The following ATMIN variants were observed in gnomAD, a reference collection of about 807,000 sequenced individuals.
ATMIN encodes ATM INteracting protein.
ATMIN carries 24 observed loss-of-function variants against 49.2 expected under a neutral mutation model. That is an observed-to-expected ratio of 0.49 (90% CI 0.35 to 0.69). The LOEUF is 0.69. Ranked by LOEUF, ATMIN falls within the 30% of genes least tolerant of loss-of-function variation. The pLI is 0.00. For missense variants in ATMIN, 1,037 were observed against 1,005.5 expected (o/e 1.03, Z -0.42); for synonymous variants, 450 against 392.5 (o/e 1.15, Z -1.73).
chr16:81,043,503 C>T lies in ATMIN; in HGVS notation c.1005C>T (p.Gly335=). Residue 335 remains glycine (G), a synonymous_variant, in exon 4 of 4, where the codon GGC becomes GGT. Coordinates refer to ENST00000299575, the MANE Select transcript of ATMIN (RefSeq NM_015251.3). ...AQPVVLGVDQ[G]SATGAVHLMP... ...CTGTGGTGTTAGGTGTTGATCAGGG[C>T]TCTGCCACAGGGGCTGTGCACTTAA... 1 of 1,614,140 alleles carries T rather than the reference C, an allele frequency of 6.2e-7. No individual in the cohort carries two copies. Among genetic ancestry groups the T allele is most frequent in the Non-Finnish European group, 8.5e-7 (1 of 1,180,018 alleles).
chr16:81,042,116 T>G (rs902996388), intron 2 of ATMIN, among the ~76,000 whole-genome samples, 165 bp from the exon 3 acceptor site: 4 of 152,220 alleles, frequency 2.6e-5, no homozygotes, highest in Non-Finnish European at 4.4e-5. Flanking sequence ...TATATATAAT[T>G]AACTGCGATG....
At chr16:81,039,551 A>G (rs1971005230) in intron 1 of ATMIN, among the ~76,000 whole-genome samples, 1 of 152,200 alleles carries the variant, frequency 6.6e-6, no homozygotes, top group Admixed American at 6.5e-5. Context: ...GCCATATTCC[A>G]TATCCTGTAA....
In ATMIN at chr16:81,043,245, C is replaced by T; in HGVS notation, c.747C>T (p.Asn249=). ...LSNKTIESLN[N]QPIPRPDTQE... is the part of the protein sequence containing the mutation. ...ACAAGACCATTGAATCATTGAACAA[C>T]CAACCAATCCCTAGACCAGACACTC... Residue 249 remains asparagine, a synonymous_variant, in exon 4 of 4, where the codon AAC becomes AAT. Transcript: ENST00000299575. 4.3e-6 allele frequency: 7 copies of T among 1,614,078 alleles called. No individual in the cohort carries two copies. Among genetic ancestry groups the T allele is most frequent in the Non-Finnish European group, 5.9e-6 (7 of 1,180,010 alleles).
At chr16:81,042,185 AGT>A (rs920482584) in intron 2 of ATMIN, 94 bp from the exon 3 acceptor site, 1 of 1,015,444 alleles carries the variant, frequency 9.8e-7, no homozygotes, top group African/African-American at 1.6e-5. Context: ...TTATATTAAT[AGT>A]GTAAAATCAT....
At position 81,043,866 on chromosome 16, in the gene ATMIN, T is replaced by C; in HGVS notation, c.1368T>C (p.Ser456=). The C allele has an allele frequency of 6.2e-7, 1 of 1,614,218 alleles. No individual in the cohort carries two copies. The highest frequency in any genetic ancestry group is 8.5e-7 in the Non-Finnish European group (1 of 1,180,046). The part of the protein sequence containing the change: ...SFDSQVSLPI[S]VHTQTFLPSS... ...ATTCTCAAGTGTCTCTTCCCATTAG[T>C]GTTCACACTCAGACATTTTTGCCCA... The change falls in exon 4 of 4, where the codon AGT becomes AGC. Residue 456 remains serine, a synonymous_variant. Transcript: ENST00000299575.
chr16:81,037,553 T>A, intron 1 of ATMIN: 1 of 933,482 alleles, frequency 1.1e-6, no homozygotes, highest in Non-Finnish European at 1.3e-6. Context: ...CACTCAAGTG[T>A]AACTCTGGGA....
chr16:81,041,158 T>G, intron 1 of ATMIN, 198 bp from the exon 2 acceptor site: 2 of 528,926 alleles, frequency 3.8e-6, no homozygotes, highest in South Asian at 2.4e-5. Flanking sequence ...TGCAGAATTT[T>G]AGAGTCTTGC....
intron 1 of ATMIN, among the ~76,000 whole-genome samples, chr16:81,037,779 G>C (rs1026762438): frequency 6.6e-6 from 1 of 151,858 alleles, no homozygotes; most frequent in African/African-American, 2.4e-5. Context: ...GGGATTACAG[G>C]CACCTGCCAC....
chr16:81,044,737 A>G lies in ATMIN; in HGVS notation c.2239A>G (p.Thr747Ala). The G allele has an allele frequency of 1.2e-6, 2 of 1,614,242 alleles. No homozygotes were observed. The highest frequency in any genetic ancestry group is 8.5e-7 in the Non-Finnish European group (1 of 1,180,050). The change falls in exon 4 of 4, where the codon ACT becomes GCT. Residue 747 changes from threonine (T) to alanine (A), a missense_variant. By Grantham distance (58) the Thr-to-Ala change is moderately conservative. Transcript: ENST00000299575. The part of the protein sequence containing the change: ...DTETQTEGVS[T>A]AKNIPALESK... The stretch of plus-strand genomic sequence containing the variant: ...AGAGACCCAAACTGAAGGAGTCTCC[A>G]CTGCTAAAAATATACCTGCTCTAGA...
Position 81,045,589 on chromosome 16 carries a change from C to G in ATMIN, c.*619C>G, listed in dbSNP as rs1158504543. 1 of 152,702 alleles carries G rather than the reference C, an allele frequency of 6.5e-6. No homozygotes were observed. Among genetic ancestry groups the G allele is most frequent in the Non-Finnish European group, 1.5e-5 (1 of 68,478 alleles). 9.5% of individuals were successfully genotyped at this position (152,702 alleles called of 1,614,324 possible). A position where few individuals can be genotyped will look rare whatever the true frequency, so the allele number is the denominator to read the frequency against. On this transcript the variant is annotated 3_prime_UTR_variant, in exon 4 of 4. Coordinates refer to ENST00000299575, the MANE Select transcript of ATMIN (RefSeq NM_015251.3). Reference sequence around the variant, plus strand: ...GAAGCAGTTTTCATGTAATCATTGCCACCTCTTCGCTACATGAACTACTAT... The same window carrying G: ...GAAGCAGTTTTCATGTAATCATTGCGACCTCTTCGCTACATGAACTACTAT...
chr16:81,037,336 C>T (rs1970956592), intron 1 of ATMIN: 1 of 985,458 alleles, frequency 1.0e-6, no homozygotes, highest in Non-Finnish European at 1.2e-6. Context: ...AATTTCACAG[C>T]AGAAAACTCT....
intron 3 of ATMIN, 101 bp from the exon 4 acceptor site, chr16:81,043,060 G>A: frequency 7.2e-7 from 1 of 1,393,328 alleles, no homozygotes; most frequent in Non-Finnish European, 9.7e-7. Flanking sequence ...CATGACCTCT[G>A]CTATAGATGG....
chr16:81,046,565 T>C lies in ATMIN; in HGVS notation c.*1595T>C, dbSNP rs1187076294. ...AGGTAGGAGCATGATCAAGTATGCT[T>C]TGGGGATTTTCTGTATTTAGGAGAT... On this transcript the variant is annotated 3_prime_UTR_variant, in exon 4 of 4. Coordinates refer to ENST00000299575, the MANE Select transcript of ATMIN (RefSeq NM_015251.3). 6.6e-6 allele frequency: 1 copy of C among 151,976 alleles called. No homozygotes were observed. Among genetic ancestry groups the C allele is most frequent in the African/African-American group, 2.4e-5 (1 of 41,364 alleles). The allele number at this position is 151,976 out of a possible 1,614,324, so 9.4% of individuals were successfully genotyped here. A position where few individuals can be genotyped will look rare whatever the true frequency, so the allele number is the denominator to read the frequency against.
Position 81,035,863 on chromosome 16 carries a change from C to T in ATMIN, c.-8C>T, listed in dbSNP as rs1453667262. 19 of 869,584 alleles carry T rather than the reference C, an allele frequency of 2.2e-5. No homozygotes were observed. The highest frequency in any genetic ancestry group is 2.5e-5 in the Non-Finnish European group (18 of 725,728). The allele number at this position is 869,584 out of a possible 1,614,324, so 53.9% of individuals were successfully genotyped here. ...CTACGAACTGGGCCGGGCGGCCGTG[C>T]GGGAGCCATGGCGGCCTCGGAGGCG... On this transcript the variant is annotated 5_prime_UTR_variant, in exon 1 of 4. Transcript: ENST00000299575.
chr16:81,043,238 T>G lies in ATMIN; in HGVS notation c.740T>G (p.Leu247Trp), dbSNP rs771169915. Residue 247 changes from leucine to tryptophan, a missense_variant, in exon 4 of 4, where the codon TTG becomes TGG. Transcript: ENST00000299575. ...TTATCCAACAAGACCATTGAATCAT[T>G]GAACAACCAACCAATCCCTAGACCA... ...QKLSNKTIES[L>W]NNQPIPRPDT... is the part of the protein sequence containing the mutation. 1.8e-5 allele frequency: 29 copies of G among 1,613,966 alleles called. No individual in the cohort carries two copies. Among genetic ancestry groups the G allele is most frequent in the Admixed American group, 1.0e-4 (6 of 60,002 alleles).
In ATMIN at chr16:81,041,295, C is replaced by T. The variant is rs930192166; in HGVS notation, c.337-61C>T. ...TGCTCGTTTTCAGTCATTCCGTTTC[C>T]ACTCCAGCCTGTTGTGTTGTTTTTT... On this transcript the variant is annotated intron_variant, in intron 1 of 3. Transcript: ENST00000299575. The T allele has an allele frequency of 9.8e-6, 15 of 1,526,766 alleles. 2 individuals carry two copies. In the South Asian group the frequency reaches 1.0e-4, roughly 10 times the overall value. 94.6% of individuals were successfully genotyped at this position (1,526,766 alleles called of 1,614,324 possible). A position where few individuals can be genotyped will look rare whatever the true frequency, so the allele number is the denominator to read the frequency against.
At chr16:81,039,171 G>T (rs372004662) in intron 1 of ATMIN, among the ~76,000 whole-genome samples, 5 of 152,136 alleles carry the variant, frequency 3.3e-5, no homozygotes, top group African/African-American at 1.2e-4. Context: ...CGGGAGGAAG[G>T]CTGGCTGGGA....
chr16:81,036,893 G>A (rs951460579), intron 1 of ATMIN, among the ~76,000 whole-genome samples: 2 of 152,194 alleles, frequency 1.3e-5, no homozygotes, highest in African/African-American at 4.8e-5. Context: ...TAAAGGAGCG[G>A]TAGGTTTGCC....
chr16:81,036,211 GC>G lies in ATMIN; in HGVS notation c.336+8del. 1.4e-6 allele frequency: 2 copies of G among 1,413,454 alleles called. No homozygotes were observed. The highest frequency in any genetic ancestry group is 1.9e-6 in the Non-Finnish European group (2 of 1,075,110). The allele number at this position is 1,413,454 out of a possible 1,614,324, so 87.6% of individuals were successfully genotyped here. On this transcript the variant is annotated splice_donor_region_variant and intron_variant, in intron 1 of 3. Transcript: ENST00000299575. ...GTCAAGAGCCACCGCCTGCAGGTGA[GC>G]CCGACGCGGCCGGCGGCCCGGGGGG... is the stretch of plus-strand genomic sequence containing the variant.
Sources: allele counts gnomAD v4.1 joint callset (sites outside exome capture counted in the v4.1 genomes callset), GRCh38; gene constraint gnomAD v4.1.1; transcripts MANE v1.5; gene names NCBI Gene and HGNC (gene_info 2026-07-23, HGNC 2026-07-21).